Variants in AGMO observed in about 807,000 individuals in gnomAD.
AGMO encodes the protein alkylglycerol monooxygenase.
AGMO carries 75 observed loss-of-function variants against 60.2 expected under a neutral mutation model. The observed-to-expected ratio is 1.25, with a 90% CI of 1.03 to 1.51. The LOEUF is 1.51. AGMO is among the 40% of genes most tolerant of loss of function. The probability of loss-of-function intolerance (pLI) is 0.00; values close to 1 mark genes in which losing one functional copy is unlikely to be tolerated. For synonymous variants in AGMO, 261 were observed against 177.1 expected (o/e 1.47, Z -3.76); for missense variants, 763 against 525.5 (o/e 1.45, Z -4.42).
At chr7:15,243,877 T>G (rs918388982) in intron 12 of AGMO, among the ~76,000 whole-genome samples, 7 of 152,294 alleles carry the variant, frequency 4.6e-5, no homozygotes, top group African/African-American at 1.7e-4. Flanking sequence ...TACTTGATAC[T>G]TTCTAATCAT....
At chr7:15,448,321 C>T (rs1021442380) in intron 3 of AGMO, among the ~76,000 whole-genome samples, 1 of 152,144 alleles carries the variant, frequency 6.6e-6, no homozygotes, top group Non-Finnish European at 1.5e-5. Context: ...CAAAGAGATC[C>T]CGCACCTCTT....
At chr7:15,393,157 A>T (rs1197931064) in intron 6 of AGMO, among the ~76,000 whole-genome samples, 3 of 152,184 alleles carry the variant, frequency 2.0e-5, no homozygotes, top group Non-Finnish European at 2.9e-5. Context: ...TTGAGTTTGG[A>T]AGAGGAAACC....
At chr7:15,445,661 T>C (rs1000646041) in intron 3 of AGMO, among the ~76,000 whole-genome samples, 5 of 152,200 alleles carry the variant, frequency 3.3e-5, no homozygotes, top group Non-Finnish European at 2.9e-5. Flanking sequence ...AGTCATAGTT[T>C]CTCTTCAGAA....
chr7:15,410,639 C>G (rs1299483896), intron 5 of AGMO, among the ~76,000 whole-genome samples: 1 of 151,752 alleles, frequency 6.6e-6, no homozygotes, highest in Non-Finnish European at 1.5e-5. Flanking sequence ...AAACAGGTAT[C>G]TATATTTCAA....
Position 15,305,893 on chromosome 7 carries a change from AC to A in AGMO, c.1263+59620del, listed in dbSNP as rs1490169743. Among the ~76,000 whole-genome samples the A allele has an allele frequency of 3.3e-5, 5 of 152,032 alleles. No individual in the cohort carries two copies. The East Asian group carries it at 9.6e-4, about 29-fold the overall frequency. On this transcript the variant is annotated intron_variant, in intron 12 of 12. Transcript: ENST00000342526. ...TGGGTACATGAACGAACCTAAAAGA[AC>A]AAATCTTTTTTTAAAGACTGATTTC... is the stretch of plus-strand genomic sequence containing the variant.
At chr7:15,176,824 G>T in the AGMO span, among the ~76,000 whole-genome samples, 1 of 151,892 alleles carries the variant, frequency 6.6e-6, no homozygotes, top group African/African-American at 2.4e-5. Flanking sequence ...GAGAAGTTTT[G>T]GTGTTACTGA....
At chr7:15,248,898 T>C (rs886957815) in intron 12 of AGMO, among the ~76,000 whole-genome samples, 2 of 152,222 alleles carry the variant, frequency 1.3e-5, no homozygotes, top group Admixed American at 6.5e-5. Flanking sequence ...AACGTCCTAT[T>C]TTACTCTCTG....
At chr7:15,503,784 G>T (rs1453929605) in intron 3 of AGMO, among the ~76,000 whole-genome samples, 1 of 151,978 alleles carries the variant, frequency 6.6e-6, no homozygotes, top group Non-Finnish European at 1.5e-5. Context: ...GTCAGGGCAT[G>T]CAAGGAACAT....
At position 15,201,296 on chromosome 7, in the gene AGMO, G is replaced by A. The variant is rs1198257496; in HGVS notation, c.1327C>T (p.Pro443Ser). Residue 443 changes from proline to serine, a missense_variant, in exon 13 of 13, where the codon CCT (proline) becomes TCT (serine). Pro to Ser is a moderately conservative substitution (Grantham distance 74). Coordinates refer to ENST00000342526, the MANE Select transcript of AGMO (RefSeq NM_001004320.2). The stretch of plus-strand genomic sequence containing the variant: ...TGTACAAATTCAGGTTATTTCCAAG[G>A]GTGAGAGGTGAGTTGTTTCATGCTT... Reference protein sequence around the residue: ...VRSMKQLTSHPWK With the variant: ...VRSMKQLTSHSWK 1 of 1,611,372 alleles carries A rather than the reference G, an allele frequency of 6.2e-7. No homozygotes were observed. Among genetic ancestry groups the A allele is most frequent in the Non-Finnish European group, 8.5e-7 (1 of 1,178,372 alleles).
At chr7:15,395,458 A>G (rs947537650) in intron 5 of AGMO, among the ~76,000 whole-genome samples, 5 of 151,338 alleles carry the variant, frequency 3.3e-5, no homozygotes, top group Non-Finnish European at 5.9e-5. Flanking sequence ...AATTTATAAT[A>G]AACAGGGTAT....
intron 3 of AGMO, among the ~76,000 whole-genome samples, chr7:15,463,137 A>T (rs1357688761): frequency 6.6e-6 from 1 of 152,204 alleles, no homozygotes; most frequent in Non-Finnish European, 1.5e-5. Flanking sequence ...CTTATTAAGG[A>T]TGTAATGATT....
At chr7:15,212,939 G>C (rs1781635386) in intron 12 of AGMO, among the ~76,000 whole-genome samples, 2 of 152,040 alleles carry the variant, frequency 1.3e-5, no homozygotes, top group African/African-American at 2.4e-5. Context: ...ACAAACGTCA[G>C]TAGTTTCAAT....
At chr7:15,386,018 CAGT>C (rs1259227900) in intron 9 of AGMO, among the ~76,000 whole-genome samples, 1 of 151,742 alleles carries the variant, frequency 6.6e-6, no homozygotes, top group Non-Finnish European at 1.5e-5. Context: ...CCATCTCTAC[CAGT>C]AATAAAAAAA....
At chr7:15,382,124 T>C (rs1279024431) in intron 10 of AGMO, among the ~76,000 whole-genome samples, 1 of 152,094 alleles carries the variant, frequency 6.6e-6, no homozygotes, top group Non-Finnish European at 1.5e-5. Flanking sequence ...ATGACACAAG[T>C]TTACCTATGT....
intron 3 of AGMO, among the ~76,000 whole-genome samples, chr7:15,530,345 A>G (rs1024320200): frequency 8.9e-6 from 1 of 112,796 alleles, no homozygotes; most frequent in Non-Finnish European, 1.7e-5. Flanking sequence ...TATATTCTAT[A>G]TACGTATTTC....
intron 12 of AGMO, among the ~76,000 whole-genome samples, chr7:15,320,062 A>G (rs953194056): frequency 3.3e-5 from 5 of 150,318 alleles, no homozygotes; most frequent in Admixed American, 3.3e-4. Flanking sequence ...GAATTGAACA[A>G]TGAGAACACT....
the AGMO span, among the ~76,000 whole-genome samples, chr7:15,131,273 A>C: frequency 6.6e-6 from 1 of 152,164 alleles, no homozygotes; most frequent in Non-Finnish European, 1.5e-5. Flanking sequence ...AATTATTTGC[A>C]AAGTGGAGTT....
intron 3 of AGMO, among the ~76,000 whole-genome samples, chr7:15,506,954 G>A (rs902745279): frequency 2.6e-5 from 4 of 151,992 alleles, no homozygotes; most frequent in African/African-American, 9.7e-5. Flanking sequence ...AAAAAGAATT[G>A]TGGTCTCATG....
At chr7:15,352,113 A>G (rs1359939558) in intron 12 of AGMO, among the ~76,000 whole-genome samples, 1 of 152,228 alleles carries the variant, frequency 6.6e-6, no homozygotes. Flanking sequence ...AGCTATAGCA[A>G]GAAGACCTCT....
Sources: gnomAD v4.1 joint callset for allele counts (sites outside exome capture counted in the v4.1 genomes callset) on GRCh38, gnomAD v4.1.1 for gene constraint, MANE v1.5 for transcripts, NCBI Gene and HGNC (gene_info 2026-07-23, HGNC 2026-07-21) for gene names.